CCDC82: variants seen among roughly 807,000 people sequenced by gnomAD.
The protein encoded by CCDC82 is coiled-coil domain-containing protein 82.
CCDC82 carries 47 observed loss-of-function variants against 60.6 expected under a neutral mutation model. The ratio of observed to expected loss-of-function variants is 0.77; its 90% confidence interval spans 0.61 to 0.99. The LOEUF is 0.99. CCDC82 is among the 50% of genes least tolerant of loss of function. The pLI is 0.00. For missense variants in CCDC82, 588 were observed against 633.0 expected (o/e 0.93, Z 0.76); for synonymous variants, 212 against 207.4 (o/e 1.02, Z -0.19).
At position 96,362,036 on chromosome 11, in the gene CCDC82, G is replaced by A. The variant is rs80268552; in HGVS notation, c.1381-2858C>T. On this transcript the variant is annotated intron_variant, in intron 8 of 9. Coordinates refer to ENST00000646818, the MANE Select transcript of CCDC82 (RefSeq NM_024725.4). ...AGTTATCAGTATGAACCAAGTGATC[G>A]CACATATGTAAAAATTGGAAATGGA... 2.9e-3 allele frequency among the ~76,000 whole-genome samples: 449 copies of A among 152,232 alleles called. 2 individuals are homozygous for A. The highest frequency in any genetic ancestry group is 9.7e-3 in the African/African-American group (404 of 41,534).
chr11:96,385,931 A>C (rs1217507101), intron 3 of CCDC82: 2 of 152,142 alleles, frequency 1.3e-5, no homozygotes, highest in African/African-American at 4.8e-5. Flanking sequence ...CCACCAAAGA[A>C]ATCACCTTAT....
Position 96,357,786 on chromosome 11 carries a change from C to T in CCDC82, c.1566+1207G>A, listed in dbSNP as rs1259821972. The T allele has an allele frequency of 1.6e-5, 16 of 985,092 alleles. No homozygotes were observed. The Admixed American group carries it at 2.5e-4, about 15-fold the overall frequency. 61.0% of individuals were successfully genotyped at this position (985,092 alleles called of 1,614,324 possible). ...TTAATGTTGTCTAGGAAAATGAAGA[C>T]GGGAAGTTATTGAATAAGTGCTCTC... On this transcript the variant is annotated intron_variant, in intron 9 of 9. Coordinates refer to ENST00000646818, the MANE Select transcript of CCDC82 (RefSeq NM_024725.4).
chr11:96,364,087 A>G (rs1389812108), intron 8 of CCDC82: 4 of 152,176 alleles, frequency 2.6e-5, no homozygotes, highest in Non-Finnish European at 2.9e-5. Context: ...AGCAAAGACC[A>G]TGAAGGTACA....
intron 5 of CCDC82, chr11:96,382,978 T>A (rs1333452147): frequency 3.9e-6 from 1 of 253,252 alleles, no homozygotes; most frequent in African/African-American, 2.2e-5. Context: ...CTAAGGATTA[T>A]TTTAAATGAA....
intron 9 of CCDC82, chr11:96,354,088 A>C (rs921690754): frequency 6.0e-6 from 1 of 166,404 alleles, no homozygotes; most frequent in Non-Finnish European, 1.3e-5. Context: ...TGTTTTTTAA[A>C]AGATACTTTT....
At chr11:96,367,301 G>C (rs1052290509) in intron 7 of CCDC82, among the ~76,000 whole-genome samples, 15 of 152,176 alleles carry the variant, frequency 9.9e-5, no homozygotes, top group Non-Finnish European at 1.5e-5. Context: ...ATATTTGATT[G>C]TATGTTATAC....
intron 7 of CCDC82, among the ~76,000 whole-genome samples, chr11:96,366,998 G>A (rs1864984869): frequency 6.6e-6 from 1 of 152,182 alleles, no homozygotes; most frequent in African/African-American, 2.4e-5. Context: ...TAAAATGTAT[G>A]TAATTTAAAC....
chr11:96,373,850 T>C (rs1256012554), intron 5 of CCDC82, among the ~76,000 whole-genome samples: 1 of 152,220 alleles, frequency 6.6e-6, no homozygotes, highest in Non-Finnish European at 1.5e-5. Context: ...TATGTCTTAT[T>C]CTGTAAAACG....
intron 1 of CCDC82, chr11:96,387,873 A>G (rs1237089047): frequency 6.6e-6 from 1 of 152,220 alleles, no homozygotes; most frequent in African/African-American, 2.4e-5. Context: ...AATAACACCA[A>G]TTGCAAAATT....
chr11:96,384,061 TTCAGGAG>T lies in CCDC82; in HGVS notation c.680_686del (p.Thr227LysfsTer4), dbSNP rs1355624470. 1 of 1,613,680 alleles carries T rather than the reference TTCAGGAG, an allele frequency of 6.2e-7. No individual in the cohort carries two copies. The highest frequency in any genetic ancestry group is 8.5e-7 in the Non-Finnish European group (1 of 1,179,772). Reference sequence around the variant, plus strand: ...CTCGCTTTTGTGCAGCTAATGTTTTTTCAGGAGTCTTTTGCTCCATTTCCACTGAAGA... The same window carrying T: ...CTCGCTTTTGTGCAGCTAATGTTTTTTCTTTTGCTCCATTTCCACTGAAGA... On this transcript the variant is annotated frameshift_variant, in exon 4 of 10. Coordinates refer to ENST00000646818, the MANE Select transcript of CCDC82 (RefSeq NM_024725.4). LOFTEE classifies it high-confidence loss of function.
chr11:96,385,201 A>G lies in CCDC82; in HGVS notation c.-14-440T>C, dbSNP rs118157618. ...ACTTTATCTTGAACAGATGTGATCT[A>G]ATAGCATTCTGAAGGATTCATTGTA... On this transcript the variant is annotated intron_variant, in intron 3 of 9. Transcript: ENST00000646818. 1,413 of 153,560 alleles carry G rather than the reference A, an allele frequency of 9.2e-3. 19 individuals are homozygous for G. Among genetic ancestry groups the G allele is most frequent in the Admixed American group, 0.034 (527 of 15,336 alleles). 9.5% of individuals were successfully genotyped at this position (153,560 alleles called of 1,614,324 possible).
rs772526152 is a variant in CCDC82 at position 96,383,421 on chromosome 11, T to G, written c.839A>C (p.Glu280Ala). The G allele has an allele frequency of 3.1e-5, 50 of 1,604,156 alleles. No homozygotes were observed. The highest frequency in any genetic ancestry group is 4.2e-5 in the Non-Finnish European group (49 of 1,174,578). ...PSSDEVDEEE[E>A]EDNYESDEDG... ...TTCATCAGATTCATAATTATCCTCT[T>G]CTTCCTCCTCATCAACTTCATCACT... The change falls in exon 5 of 10, where the codon GAA becomes GCA. Residue 280 changes from glutamate (E) to alanine (A), a missense_variant. Glu to Ala is a moderately radical substitution (Grantham distance 107). Coordinates refer to ENST00000646818, the MANE Select transcript of CCDC82 (RefSeq NM_024725.4).
Position 96,360,591 on chromosome 11 carries a change from G to C in CCDC82, c.1381-1413C>G, listed in dbSNP as rs540509690. On this transcript the variant is annotated intron_variant, in intron 8 of 9. Coordinates refer to ENST00000646818, the MANE Select transcript of CCDC82 (RefSeq NM_024725.4). ...TGGTCAATCTTACTCTCATGGAGTA[G>C]TAACCTAAGGAAAGAGTAAACTTCC... is the stretch of plus-strand genomic sequence containing the variant. Among the ~76,000 whole-genome samples the C allele has an allele frequency of 1.4e-4, 21 of 152,284 alleles. No homozygotes were observed. The South Asian group carries it at 4.3e-3, about 32-fold the overall frequency.
At chr11:96,370,097 C>T (rs1263277146) in intron 7 of CCDC82, among the ~76,000 whole-genome samples, 2 of 152,168 alleles carry the variant, frequency 1.3e-5, no homozygotes, top group African/African-American at 4.8e-5. Flanking sequence ...TTCTGTAATC[C>T]TACACTGTCT....
chr11:96,368,254 A>AC (rs1865055805), intron 7 of CCDC82, among the ~76,000 whole-genome samples: 1 of 152,114 alleles, frequency 6.6e-6, no homozygotes, highest in Non-Finnish European at 1.5e-5. Context: ...TTCTTGGGTG[A>AC]CCCGGTGCAC....
intron 5 of CCDC82, among the ~76,000 whole-genome samples, chr11:96,376,989 C>T (rs561646614): frequency 1.3e-5 from 2 of 152,268 alleles, no homozygotes; most frequent in East Asian, 3.9e-4. Context: ...GATTCCTGGA[C>T]ACTATCTCTG....
At chr11:96,362,912 G>A (rs1864740264) in intron 8 of CCDC82, among the ~76,000 whole-genome samples, 1 of 151,918 alleles carries the variant, frequency 6.6e-6, no homozygotes, top group Non-Finnish European at 1.5e-5. Context: ...TAAAGAATTA[G>A]TCTTCAAAAT....
intron 6 of CCDC82, among the ~76,000 whole-genome samples, chr11:96,372,917 CATAG>C (rs1865363576): frequency 6.6e-6 from 1 of 151,698 alleles, no homozygotes; most frequent in Non-Finnish European, 1.5e-5. Context: ...GTGAATGGGT[CATAG>C]ATAGATTCAT....
intron 7 of CCDC82, among the ~76,000 whole-genome samples, chr11:96,370,024 A>C (rs1865178597): frequency 2.6e-5 from 4 of 152,204 alleles, no homozygotes; most frequent in Admixed American, 2.6e-4. Context: ...AAATTTATCA[A>C]AAGTCAAAAA....
Sources: gnomAD v4.1 joint callset for allele counts (sites outside exome capture counted in the v4.1 genomes callset) on GRCh38, gnomAD v4.1.1 for gene constraint, MANE v1.5 for transcripts, NCBI Gene and HGNC (gene_info 2026-07-23, HGNC 2026-07-21) for gene names.